CAPZA2: variants seen among roughly 807,000 people sequenced by gnomAD.
CAPZA2 encodes capping actin protein of muscle Z-line subunit alpha 2, also known as F-actin-capping protein subunit alpha-2.
In CAPZA2, 13 loss-of-function variants were observed where a neutral mutation model predicts 44.0. The observed-to-expected ratio is 0.30, with a 90% CI of 0.19 to 0.47. The LOEUF is 0.47. Among genes scored for constraint, CAPZA2 ranks in the 20% least tolerant of loss-of-function variants. CAPZA2 has a pLI of 1.00. For missense variants in CAPZA2, 244 were observed against 338.6 expected, an observed-to-expected ratio of 0.72 and a Z score of 2.19; for synonymous variants, 94 against 108.2, an observed-to-expected ratio of 0.87 and a Z score of 0.81.
chr7:116,912,755 T>C (rs1018743819), intron 8 of CAPZA2, among the ~76,000 whole-genome samples: 1 of 152,244 alleles, frequency 6.6e-6, no homozygotes, highest in Non-Finnish European at 1.5e-5. Context: ...GTTCTACTTT[T>C]TGCTGCTGTG....
At chr7:116,913,643 G>C (rs1440400398) in intron 8 of CAPZA2, among the ~76,000 whole-genome samples, 1 of 151,996 alleles carries the variant, frequency 6.6e-6, no homozygotes, top group Non-Finnish European at 1.5e-5. Flanking sequence ...GACAAGACCT[G>C]GCTCTGTCAC....
intron 6 of CAPZA2, chr7:116,909,685 G>A (rs1791562700): frequency 6.5e-6 from 1 of 154,604 alleles, no homozygotes; most frequent in African/African-American, 2.4e-5. Context: ...TTTTTAAATT[G>A]TATGGTACTT....
At chr7:116,902,770 T>C (rs1797013488) in intron 4 of CAPZA2, among the ~76,000 whole-genome samples, 1 of 152,206 alleles carries the variant, frequency 6.6e-6, no homozygotes, top group African/African-American at 2.4e-5. Flanking sequence ...AGGGTCCTGC[T>C]CTGTCACCCA....
At chr7:116,866,788 G>A (rs1313749109) in intron 1 of CAPZA2, among the ~76,000 whole-genome samples, 1 of 152,158 alleles carries the variant, frequency 6.6e-6, no homozygotes, top group African/African-American at 2.4e-5. Context: ...GTACATAGCT[G>A]TAGCACTAAC....
intron 1 of CAPZA2, among the ~76,000 whole-genome samples, chr7:116,870,836 C>T (rs1353684597): frequency 6.6e-6 from 1 of 152,170 alleles, no homozygotes; most frequent in Non-Finnish European, 1.5e-5. Context: ...AGGCGTGAGT[C>T]AGAGAAAACT....
Position 116,917,904 on chromosome 7 carries a change from T to G in CAPZA2, c.*37T>G. On this transcript the variant is annotated 3_prime_UTR_variant, in exon 10 of 10. Coordinates refer to ENST00000361183, the MANE Select transcript of CAPZA2 (RefSeq NM_006136.3). Reference sequence around the variant, plus strand: ...CATGACCGGATCATTTTAGTGTCTTTGCGTTAAAAAATCATTGCAAAAGTA... The same window carrying G: ...CATGACCGGATCATTTTAGTGTCTTGGCGTTAAAAAATCATTGCAAAAGTA... The G allele has an allele frequency of 4.4e-6, 7 of 1,579,822 alleles. No homozygotes were observed. Among genetic ancestry groups the G allele is most frequent in the Non-Finnish European group, 5.2e-6 (6 of 1,149,994 alleles).
chr7:116,905,138 CAAAAAAAAA>C (rs1164804320), intron 5 of CAPZA2, among the ~76,000 whole-genome samples: 2 of 79,286 alleles, frequency 2.5e-5, no homozygotes, highest in South Asian at 7.5e-4. Context: ...GACTCTGTCT[CAAAAAAAAA>C]AAAAAGAAAA....
intron 1 of CAPZA2, among the ~76,000 whole-genome samples, chr7:116,884,831 T>A (rs1272990010): frequency 3.3e-5 from 5 of 152,192 alleles, no homozygotes; most frequent in Admixed American, 6.5e-5. Flanking sequence ...GGCCAAACTG[T>A]TTTCCATACT....
At chr7:116,885,154 A>G (rs1468553635) in intron 1 of CAPZA2, among the ~76,000 whole-genome samples, 1 of 152,102 alleles carries the variant, frequency 6.6e-6, no homozygotes, top group South Asian at 2.1e-4. Flanking sequence ...GCCATTTGAT[A>G]ATATTTTCTC....
chr7:116,876,092 A>T (rs1054883978), intron 1 of CAPZA2: 5 of 152,254 alleles, frequency 3.3e-5, no homozygotes, highest in Non-Finnish European at 7.3e-5. Context: ...TCTACTAAAA[A>T]TACAAAAATT....
At chr7:116,862,809 CT>C (rs1045784636) in intron 1 of CAPZA2, among the ~76,000 whole-genome samples, 159 bp downstream of exon 1, 1 of 152,138 alleles carries the variant, frequency 6.6e-6, no homozygotes, top group Non-Finnish European at 1.5e-5. Flanking sequence ...GTGCCTGCCC[CT>C]GTCCGTCACC....
At chr7:116,883,165 G>A (rs1166641125) in intron 1 of CAPZA2, among the ~76,000 whole-genome samples, 1 of 152,030 alleles carries the variant, frequency 6.6e-6, no homozygotes, top group Non-Finnish European at 1.5e-5. Context: ...ATTCCCAACG[G>A]TAAATAGAAT....
chr7:116,877,514 A>G (rs190366232), intron 1 of CAPZA2, among the ~76,000 whole-genome samples: 1 of 152,348 alleles, frequency 6.6e-6, no homozygotes, highest in Admixed American at 6.5e-5. Flanking sequence ...TGTAGGAGCT[A>G]GAAAGTGGCA....
chr7:116,893,774 T>C (rs1796882915), intron 3 of CAPZA2, among the ~76,000 whole-genome samples: 1 of 152,166 alleles, frequency 6.6e-6, no homozygotes, highest in Admixed American at 6.5e-5. Flanking sequence ...ACCTGACACA[T>C]ACATGTACAC....
chr7:116,888,060 C>A, intron 1 of CAPZA2, 67 bp from the exon 2 acceptor site: 1 of 1,089,604 alleles, frequency 9.2e-7, no homozygotes. Flanking sequence ...TATAATTTTG[C>A]ATGTTTTGTG....
intron 8 of CAPZA2, among the ~76,000 whole-genome samples, chr7:116,913,486 G>A (rs903594393): frequency 2.0e-5 from 3 of 149,390 alleles, no homozygotes; most frequent in African/African-American, 7.4e-5. Flanking sequence ...ATTTAATGAA[G>A]TTTTTTTTTT....
chr7:116,916,043 G>GC lies in CAPZA2; in HGVS notation c.658-17_658-16insC, dbSNP rs775871181. Reference sequence around the variant, plus strand: ...AGTTTTAAATTACTATTTTTATTTTGTTTTTTTTTTTTTCAGAATGAAGTG... The same window carrying GC: ...AGTTTTAAATTACTATTTTTATTTTGCTTTTTTTTTTTTTCAGAATGAAGTG... On this transcript the variant is annotated splice_polypyrimidine_tract_variant and intron_variant, in intron 8 of 9. Transcript: ENST00000361183. 1 of 941,844 alleles carries GC rather than the reference G, an allele frequency of 1.1e-6. No homozygotes were observed. Among genetic ancestry groups the GC allele is most frequent in the African/African-American group, 1.9e-5 (1 of 53,836 alleles). 58.3% of individuals were successfully genotyped at this position (941,844 alleles called of 1,614,324 possible). A position where few individuals can be genotyped will look rare whatever the true frequency, so the allele number is the denominator to read the frequency against.
intron 5 of CAPZA2, 178 bp downstream of exon 5, chr7:116,904,561 C>T (rs1791461993): frequency 7.1e-6 from 4 of 560,416 alleles, no homozygotes; most frequent in Non-Finnish European, 1.3e-5. Flanking sequence ...AATAGATATA[C>T]TAGGATGGCT....
chr7:116,899,975 A>G (rs1449269054), intron 4 of CAPZA2, among the ~76,000 whole-genome samples: 2 of 151,744 alleles, frequency 1.3e-5, no homozygotes, highest in Admixed American at 6.6e-5. Flanking sequence ...TACCAAAACT[A>G]AACAGAATTT....
Sources: allele counts gnomAD v4.1 joint callset (sites outside exome capture counted in the v4.1 genomes callset), GRCh38; gene constraint gnomAD v4.1.1; transcripts MANE v1.5; gene names NCBI Gene and HGNC (gene_info 2026-07-23, HGNC 2026-07-21).